Variants in FBRSL1 observed in about 807,000 individuals in gnomAD.
FBRSL1 encodes fibrosin like 1.
Under a neutral mutation model 89.6 loss-of-function variants are expected in FBRSL1, and 51 were observed. That is an observed-to-expected ratio of 0.57 (90% CI 0.45 to 0.72). The LOEUF is 0.72. Among genes scored for constraint, FBRSL1 ranks in the 30% least tolerant of loss-of-function variants. The pLI is 0.00. For missense variants in FBRSL1, 1,618 were observed against 1,451.8 expected (o/e 1.11, Z -1.86); for synonymous variants, 779 against 681.1 (o/e 1.14, Z -2.24).
At position 132,583,811 on chromosome 12, in the gene FBRSL1, C is replaced by T. The variant is rs1195072289; in HGVS notation, c.*33C>T. 3 of 1,150,234 alleles carry T rather than the reference C, an allele frequency of 2.6e-6. No homozygotes were observed. The highest frequency in any genetic ancestry group is 9.0e-5 in the Admixed American group (2 of 22,310). 71.3% of individuals were successfully genotyped at this position (1,150,234 alleles called of 1,614,324 possible). ...GCCGCAGACGCCTCTCCGAGCGGAG[C>T]GCACCGCTGTCCGTCTCTCCATCAG... is the stretch of plus-strand genomic sequence containing the variant. On this transcript the variant is annotated 3_prime_UTR_variant, in exon 19 of 19. Coordinates refer to ENST00000680143, the MANE Select transcript of FBRSL1 (RefSeq NM_001367871.1).
At chr12:132,527,727 C>T (rs1409759517) in intron 3 of FBRSL1, among the ~76,000 whole-genome samples, 6 of 132,118 alleles carry the variant, frequency 4.5e-5, no homozygotes, top group African/African-American at 1.1e-4. Flanking sequence ...TTGTGGGCTG[C>T]GGGGCAGGGT....
At chr12:132,545,118 G>A (rs1022286880) in intron 4 of FBRSL1, among the ~76,000 whole-genome samples, 2 of 152,168 alleles carry the variant, frequency 1.3e-5, no homozygotes, top group African/African-American at 2.4e-5. Context: ...GGGGCAGTGC[G>A]GCACAGAGCG....
At chr12:132,561,748 A>G (rs10781619) in intron 5 of FBRSL1, among the ~76,000 whole-genome samples, 62,653 of 152,134 alleles carry the variant, frequency 0.41, 13,863 homozygotes, top group East Asian at 0.85. Flanking sequence ...TGCCAGAGAC[A>G]GTGCAGCCCC....
At chr12:132,524,416 G>A (rs1470493632) in intron 2 of FBRSL1, among the ~76,000 whole-genome samples, 1 of 152,268 alleles carries the variant, frequency 6.6e-6, no homozygotes, top group Non-Finnish European at 1.5e-5. Flanking sequence ...ATTCGCACTG[G>A]CACCGTCTGC....
chr12:132,564,786 C>T (rs71453194), intron 5 of FBRSL1, among the ~76,000 whole-genome samples: 5,421 of 110,858 alleles, frequency 0.049, 726 homozygotes, highest in Middle Eastern at 0.14. Flanking sequence ...CCCGCCACCA[C>T]GCCCGGCTAA....
intron 4 of FBRSL1, among the ~76,000 whole-genome samples, chr12:132,536,431 T>C (rs2036751444): frequency 6.6e-6 from 1 of 150,972 alleles, no homozygotes; most frequent in East Asian, 2.0e-4. Flanking sequence ...GTGTGTGCCA[T>C]GTGTACATGA....
rs780319444 is a variant in FBRSL1 at position 132,582,285 on chromosome 12, C to A, written c.2201+19C>A. ...AGGAACGGTGAGTGGCCCTCTTGTTCCGTATCCCCACCACACACCCCTACC... is the reference window on the plus strand; with the variant it reads ...AGGAACGGTGAGTGGCCCTCTTGTTACGTATCCCCACCACACACCCCTACC... On this transcript the variant is annotated intron_variant, in intron 18 of 18. Coordinates refer to ENST00000680143, the MANE Select transcript of FBRSL1 (RefSeq NM_001367871.1). 2.6e-6 allele frequency: 4 copies of A among 1,546,246 alleles called. No individual in the cohort carries two copies. In the South Asian group the frequency reaches 4.8e-5, roughly 18 times the overall value.
At position 132,545,732 on chromosome 12, in the gene FBRSL1, G is replaced by A. The variant is rs533605157; in HGVS notation, c.616-2271G>A. Among the ~76,000 whole-genome samples, 7 of 152,240 alleles carry A rather than the reference G, an allele frequency of 4.6e-5. No individual in the cohort carries two copies. In the South Asian group the frequency reaches 1.4e-3, roughly 31 times the overall value. Reference sequence around the variant, plus strand: ...TAAGAGCAGAGGCTGGACTGGGCAGGTGGCCCCCAGGCCACGGGTGCACCC... The same window carrying A: ...TAAGAGCAGAGGCTGGACTGGGCAGATGGCCCCCAGGCCACGGGTGCACCC... On this transcript the variant is annotated intron_variant, in intron 4 of 18. Transcript: ENST00000680143.
At position 132,520,611 on chromosome 12, in the gene FBRSL1, C is replaced by G. The variant is rs142223895; in HGVS notation, c.490-5123C>G. Among the ~76,000 whole-genome samples, 1,391 of 152,334 alleles carry G rather than the reference C, an allele frequency of 9.1e-3. 6 individuals are homozygous for G. Among genetic ancestry groups the G allele is most frequent in the Non-Finnish European group, 0.016 (1,068 of 68,028 alleles). On this transcript the variant is annotated intron_variant, in intron 2 of 18. Coordinates refer to ENST00000680143, the MANE Select transcript of FBRSL1 (RefSeq NM_001367871.1). The stretch of plus-strand genomic sequence containing the variant: ...TCCCGACCAGGGACATGAGCCCAGC[C>G]CCCAGGAGGTAGCAGCAGGGGACTG...
At position 132,548,462 on chromosome 12, in the gene FBRSL1, A is replaced by C. The variant is rs534006973; in HGVS notation, c.645+430A>C. On this transcript the variant is annotated intron_variant, in intron 5 of 18. Coordinates refer to ENST00000680143, the MANE Select transcript of FBRSL1 (RefSeq NM_001367871.1). ...AAACCCGGTGGACCCCAGAACCAGGAGGTAGATGCGCAGCCTATGACCACA... is the reference window on the plus strand; with the variant it reads ...AAACCCGGTGGACCCCAGAACCAGGCGGTAGATGCGCAGCCTATGACCACA... 2.0e-4 allele frequency among the ~76,000 whole-genome samples: 30 copies of C among 152,272 alleles called. No individual in the cohort carries two copies. In the East Asian group the frequency reaches 5.0e-3, roughly 26 times the overall value.
At position 132,574,526 on chromosome 12, in the gene FBRSL1, A is replaced by G; in HGVS notation, c.1663A>G (p.Ile555Val). Reference sequence around the variant, plus strand: ...GAGGTGGTGTGCCGTGCACGTGCAGATCGCCTGGCAGATCTACCGTCACCA... The same window carrying G: ...GAGGTGGTGTGCCGTGCACGTGCAGGTCGCCTGGCAGATCTACCGTCACCA... ...PGRWCAVHVQ[I>V]AWQIYRHQQK... Residue 555 changes from isoleucine to valine, a missense_variant, in exon 14 of 19, where the codon ATC becomes GTC. Physicochemically the swap from Ile to Val is conservative, Grantham distance 29. Transcript: ENST00000680143. The G allele has an allele frequency of 6.5e-7, 1 of 1,550,108 alleles. No homozygotes were observed. Among genetic ancestry groups the G allele is most frequent in the Non-Finnish European group, 8.7e-7 (1 of 1,146,832 alleles).
intron 15 of FBRSL1, among the ~76,000 whole-genome samples, chr12:132,579,601 G>A (rs7399205): frequency 0.85 from 128,881 of 152,168 alleles, 54,837 homozygotes; most frequent in East Asian, 0.98. Context: ...CTAGGAGTGG[G>A]TGGTTTGCCC....
At chr12:132,554,976 C>T (rs912358457) in intron 5 of FBRSL1, 1 of 152,194 alleles carries the variant, frequency 6.6e-6, no homozygotes, top group Non-Finnish European at 1.5e-5. Flanking sequence ...GCGGTTGGAA[C>T]TATATCTCGA....
chr12:132,574,319 G>T lies in FBRSL1; in HGVS notation c.1600G>T (p.Val534Leu). The change falls in exon 13 of 19, where the codon GTG becomes TTG. Residue 534 changes from valine to leucine, a missense_variant and splice_region_variant. Transcript: ENST00000680143. ...TCACACTCCTTTCCTGTCTCCACAG[G>T]TGTCTGACCCGTACCGGGCGGTGGT... ...VHTLLQKAPG[V>L]SDPYRAVVKK... The T allele has an allele frequency of 6.5e-7, 1 of 1,544,012 alleles. No individual in the cohort carries two copies. The highest frequency in any genetic ancestry group is 8.7e-7 in the Non-Finnish European group (1 of 1,144,232).
chr12:132,539,329 A>C (rs1046458565), intron 4 of FBRSL1, among the ~76,000 whole-genome samples: 1 of 150,218 alleles, frequency 6.7e-6, no homozygotes, highest in Non-Finnish European at 1.5e-5. Flanking sequence ...ATGCCCACCC[A>C]GTCCTGCCCT....
chr12:132,554,070 G>A (rs964878363), intron 5 of FBRSL1: 1 of 152,290 alleles, frequency 6.6e-6, no homozygotes, highest in Non-Finnish European at 1.5e-5. Context: ...GGATGCACTG[G>A]AAGCCCAGAA....
intron 1 of FBRSL1, among the ~76,000 whole-genome samples, chr12:132,502,401 T>C (rs1215713957): frequency 1.1e-4 from 16 of 152,180 alleles, no homozygotes. Context: ...GGAAGGCCTT[T>C]GGTTTGAAGG....
At chr12:132,505,412 T>C (rs548654005) in intron 1 of FBRSL1, among the ~76,000 whole-genome samples, 11 of 152,300 alleles carry the variant, frequency 7.2e-5, no homozygotes, top group African/African-American at 2.4e-4. Context: ...GGGCACGCAC[T>C]GTCCCTCAGT....
chr12:132,573,706 CCCCCTTTCCCTGG>C, intron 11 of FBRSL1, among the ~76,000 whole-genome samples: 1 of 152,142 alleles, frequency 6.6e-6, no homozygotes, highest in African/African-American at 2.4e-5. Flanking sequence ...GCTGTGGGAC[CCCCCTTTCCCTGG>C]CGCCCCTGGT....
Sources: allele counts gnomAD v4.1 joint callset (sites outside exome capture counted in the v4.1 genomes callset), GRCh38; gene constraint gnomAD v4.1.1; transcripts MANE v1.5; gene names NCBI Gene and HGNC (gene_info 2026-07-23, HGNC 2026-07-21).